CPLX2: variants seen among roughly 807,000 people sequenced by gnomAD.
CPLX2 encodes the protein complexin 2, also known as complexin-2.
A neutral mutation model predicts 16.3 loss-of-function variants in CPLX2; 5 were observed. The ratio of observed to expected loss-of-function variants is 0.31; its 90% CI spans 0.16 to 0.64. The LOEUF (loss-of-function observed/expected upper bound fraction) is 0.64. Among genes scored for constraint, CPLX2 ranks in the 30% least tolerant of loss-of-function variants. The pLI is 0.79. For synonymous variants in CPLX2, 89 were observed against 73.2 expected (o/e 1.22, Z -1.10); for missense variants, 144 against 181.4 (o/e 0.79, Z 1.18).
At chr5:175,876,532 T>C (rs1281592745) in intron 1 of CPLX2, among the ~76,000 whole-genome samples, 1 of 151,720 alleles carries the variant, frequency 6.6e-6, no homozygotes, top group Non-Finnish European at 1.5e-5. Context: ...AGAAGGAGGT[T>C]TGAGGGTACA....
rs760771461 is a variant in CPLX2, at chr5:175,879,948, C to A, written c.308C>A (p.Ala103Glu). 10 of 1,613,946 alleles carry A rather than the reference C, an allele frequency of 6.2e-6. No homozygotes were observed. The Middle Eastern group carries it at 1.2e-3, about 186-fold the overall frequency. ...SLTRPKKAIP[A>E]GCGDEEEEEE... ...ACCCGGCCCAAGAAGGCCATCCCTG[C>A]GGGCTGCGGGGACGAGGAGGAGGAG... The change falls in exon 4 of 4, where the codon GCG (alanine) becomes GAG (glutamate). Residue 103 changes from alanine to glutamate, a missense_variant. Physicochemically the swap from Ala to Glu is moderately radical, Grantham distance 107 (BLOSUM62 -1). Transcript: ENST00000393745.
chr5:175,822,725 G>T lies in CPLX2; in HGVS notation c.-89+13657G>T, dbSNP rs866745312. On this transcript the variant is annotated intron_variant, in intron 2 of 4. Coordinates refer to the CPLX2 transcript ENST00000359546. ...CCTTCCTATCAGCTGAGCAACTCCA[G>T]TGAAAATCGGGCACCCATTCCAGTG... 2.6e-5 allele frequency among the ~76,000 whole-genome samples: 4 copies of T among 152,352 alleles called. No individual in the cohort carries two copies. In the Middle Eastern group the frequency reaches 0.01, roughly 389 times the overall value.
chr5:175,858,699 C>T (rs776318054), intron 2 of CPLX2, among the ~76,000 whole-genome samples: 9 of 152,218 alleles, frequency 5.9e-5, no homozygotes, highest in African/African-American at 1.4e-4. Flanking sequence ...AAGGATCTTG[C>T]GAAGTTATAG....
At chr5:175,829,197 G>A (rs1004111983) in intron 2 of CPLX2, among the ~76,000 whole-genome samples, 2 of 152,310 alleles carry the variant, frequency 1.3e-5, no homozygotes, top group East Asian at 1.9e-4. Flanking sequence ...GGCTTTTTGC[G>A]TTTGATTTTT....
rs1460384065 is a variant in CPLX2, at chr5:175,849,167, G to A, written c.-88-29485G>A. Among the ~76,000 whole-genome samples, 1 of 152,156 alleles carries A rather than the reference G, an allele frequency of 6.6e-6. No homozygotes were observed. Among genetic ancestry groups the A allele is most frequent in the Non-Finnish European group, 1.5e-5 (1 of 68,036 alleles). On this transcript the variant is annotated intron_variant, in intron 2 of 4. Coordinates refer to the CPLX2 transcript ENST00000359546. This position sits in a 1 kb window ranked among gnomAD's most constrained non-coding sequence, Gnocchi z 4.4. ...CCAGTGCTGCCGTGTGTGCAGGACC[G>A]ATGTCCACACTTCACAGGTGGAAAC...
At chr5:175,873,054 G>T (rs1759671348) in intron 1 of CPLX2, 2 of 147,848 alleles carry the variant, frequency 1.4e-5, no homozygotes, top group African/African-American at 5.0e-5. Context: ...GGCATCCCTC[G>T]CCGCCCCCGG....
At position 175,830,642 on chromosome 5, in the gene CPLX2, G is replaced by C. The variant is rs558397708; in HGVS notation, c.-89+21574G>C. On this transcript the variant is annotated intron_variant, in intron 2 of 4. Coordinates refer to the CPLX2 transcript ENST00000359546. The surrounding 1 kb of genome is among the most constrained non-coding windows in gnomAD (Gnocchi z 4.0). ...AGCTCTGCAGGCAGGCAAGGGATGA[G>C]CACAATCCAGTCTCTGGAGTCCTCA... Among the ~76,000 whole-genome samples the C allele has an allele frequency of 2.7e-4, 41 of 152,356 alleles. No homozygotes were observed. Among genetic ancestry groups the C allele is most frequent in the African/African-American group, 9.6e-4 (40 of 41,588 alleles).
At chr5:175,847,277 C>T (rs1759061709) in intron 2 of CPLX2, among the ~76,000 whole-genome samples, 1 of 152,138 alleles carries the variant, frequency 6.6e-6, no homozygotes, top group African/African-American at 2.4e-5. Context: ...CGAGCGGCGC[C>T]CATGCCTGGA....
upstream of CPLX2, among the ~76,000 whole-genome samples, chr5:175,867,812 CA>C (rs1581099842): frequency 6.6e-6 from 1 of 152,320 alleles, no homozygotes; most frequent in East Asian, 1.9e-4. Context: ...GCTGGGCACT[CA>C]AATACACCAT....
At position 175,880,335 on chromosome 5, in the gene CPLX2, C is replaced by T. The variant is rs368342023; in HGVS notation, c.*290C>T. On this transcript the variant is annotated 3_prime_UTR_variant, in exon 4 of 4. Coordinates refer to ENST00000393745, the MANE Select transcript of CPLX2 (RefSeq NM_001008220.2). The stretch of plus-strand genomic sequence containing the variant: ...CTAAGGTCGTGCTAGTGTGGTGACC[C>T]CCATACATTCCTCCCTGCTCCCCAC... 6.4e-6 allele frequency: 3 copies of T among 466,958 alleles called. No individual in the cohort carries two copies. The highest frequency in any genetic ancestry group is 4.4e-5 in the East Asian group (1 of 22,726). The allele number at this position is 466,958 out of a possible 1,614,324, so 28.9% of individuals were successfully genotyped here. A position where few individuals can be genotyped will look rare whatever the true frequency, so the allele number is the denominator to read the frequency against.
rs1755573039 is a variant in CPLX2, at chr5:175,880,841, T to TG, written c.*798dup. The stretch of plus-strand genomic sequence containing the variant: ...GGCTGCCAGGCCCCCAGAAAACACT[T>TG]GGAGCCATCGGGTAGCGATGGTCTA... On this transcript the variant is annotated 3_prime_UTR_variant, in exon 4 of 4. Coordinates refer to ENST00000393745, the MANE Select transcript of CPLX2 (RefSeq NM_001008220.2). The TG allele has an allele frequency of 6.5e-6, 1 of 152,842 alleles. No individual in the cohort carries two copies. The highest frequency in any genetic ancestry group is 2.4e-5 in the African/African-American group (1 of 41,448). 9.5% of individuals were successfully genotyped at this position (152,842 alleles called of 1,614,324 possible).
chr5:175,841,075 G>C (rs966803700), intron 2 of CPLX2, among the ~76,000 whole-genome samples: 2 of 152,216 alleles, frequency 1.3e-5, no homozygotes, highest in Non-Finnish European at 2.9e-5. Context: ...AATGTTTTAA[G>C]GTAGAAACAA....
At chr5:175,822,957 G>A (rs888383577) in intron 2 of CPLX2, among the ~76,000 whole-genome samples, 33 of 152,338 alleles carry the variant, frequency 2.2e-4, no homozygotes, top group East Asian at 1.2e-3. Flanking sequence ...TGGCTGTTAC[G>A]AATCAAGCTC....
At chr5:175,827,004 CCT>C (rs2113652594) in intron 2 of CPLX2, among the ~76,000 whole-genome samples, 1 of 152,324 alleles carries the variant, frequency 6.6e-6, no homozygotes, top group East Asian at 1.9e-4. Context: ...GCTCAGCTTT[CCT>C]CTGTGTCCAG....
At chr5:175,866,195 A>G (rs1364105893) in intron 2 of CPLX2, among the ~76,000 whole-genome samples, 5 of 152,352 alleles carry the variant, frequency 3.3e-5, no homozygotes, top group East Asian at 1.9e-4. Flanking sequence ...TGCCTGGGCA[A>G]GTCCAGAGCT....
chr5:175,871,430 A>G (rs1581101788), upstream of CPLX2: 1 of 109,520 alleles, frequency 9.1e-6, no homozygotes. Context: ...AGAGAGAGAG[A>G]GACAGAGAGA....
upstream of CPLX2, chr5:175,871,405 A>AG: frequency 1.1e-5 from 1 of 90,094 alleles, no homozygotes; most frequent in Admixed American, 1.3e-4. Flanking sequence ...AGAGAAAGAG[A>AG]GAGAGGAGAG....
At chr5:175,799,991 C>G (rs1318892161) in intron 1 of CPLX2, among the ~76,000 whole-genome samples, 2 of 152,174 alleles carry the variant, frequency 1.3e-5, no homozygotes, top group Non-Finnish European at 2.9e-5. Flanking sequence ...CCCTGCTTTT[C>G]TTAACCAGAT....
chr5:175,860,448 AAGAGAGAGAAAGAAAGAG>A (rs1340864354), intron 2 of CPLX2, among the ~76,000 whole-genome samples: 2 of 127,112 alleles, frequency 1.6e-5, no homozygotes, highest in African/African-American at 7.3e-5. Flanking sequence ...AAGAGAAAGA[AAGAGAGAGAAAGAAAGAG>A]AGAGAGAGAA....
Sources: allele counts gnomAD v4.1 joint callset (sites outside exome capture counted in the v4.1 genomes callset), GRCh38; gene constraint gnomAD v4.1.1; non-coding constraint Gnocchi (gnomAD v3.1); transcripts MANE v1.5; gene names NCBI Gene and HGNC (gene_info 2026-07-23, HGNC 2026-07-21).